Variants in NPAS3 observed in about 807,000 individuals in gnomAD.
NPAS3 encodes the protein neuronal PAS domain-containing protein 3.
NPAS3 carries 14 observed loss-of-function variants against 73.1 expected under a neutral mutation model. The observed-to-expected ratio is 0.19, with a 90% CI of 0.13 to 0.30. The LOEUF (loss-of-function observed/expected upper bound fraction) is 0.30, where lower values mean the gene tolerates loss of function less well. Among genes scored for constraint, NPAS3 ranks in the 10% least tolerant of loss-of-function variants. The pLI is 1.00. For synonymous variants in NPAS3, 620 were observed against 541.5 expected (o/e 1.14, Z -2.01); for missense variants, 1,096 against 1,250.0 (o/e 0.88, Z 1.86).
chr14:33,602,504 C>T (rs1371747359), intron 5 of NPAS3, among the ~76,000 whole-genome samples: 4 of 152,326 alleles, frequency 2.6e-5, no homozygotes, highest in African/African-American at 7.2e-5. Flanking sequence ...TACTCAGTCC[C>T]TCATGGTGGG....
intron 7 of NPAS3, among the ~76,000 whole-genome samples, chr14:33,772,455 C>T (rs1345902074): frequency 1.3e-5 from 2 of 152,170 alleles, no homozygotes; most frequent in African/African-American, 4.8e-5. Flanking sequence ...AGCCTGTCTG[C>T]CTTCCCCAAA....
chr14:33,086,113 T>C (rs8010723), intron 2 of NPAS3, among the ~76,000 whole-genome samples: 16,812 of 152,244 alleles, frequency 0.11, 1,606 homozygotes, highest in African/African-American at 0.26. Flanking sequence ...GGACATGTCA[T>C]TATATGTTAA....
At chr14:33,250,110 A>G (rs1824637914) in intron 3 of NPAS3, among the ~76,000 whole-genome samples, 1 of 152,156 alleles carries the variant, frequency 6.6e-6, no homozygotes, top group African/African-American at 2.4e-5. Flanking sequence ...ACATCGGGGT[A>G]GGTAGATAAT....
intron 1 of NPAS3, among the ~76,000 whole-genome samples, chr14:32,994,230 T>C (rs369761531): frequency 1.2e-4 from 19 of 152,324 alleles, no homozygotes; most frequent in African/African-American, 4.1e-4. Flanking sequence ...GTGTGCTTAA[T>C]GTACACTATT....
chr14:33,217,171 C>T lies in NPAS3; in HGVS notation c.385+1745C>T, dbSNP rs143423301. On this transcript the variant is annotated intron_variant, in intron 3 of 11. Transcript: ENST00000356141. ...TTGCCACTTTTAAACCATCAGATCT[C>T]GTGAGAACTCACTATCACGAGATAG... Among the ~76,000 whole-genome samples, 51 of 152,090 alleles carry T rather than the reference C, an allele frequency of 3.4e-4. 1 individual carries two copies. The East Asian group carries it at 3.5e-3, about 10-fold the overall frequency.
chr14:33,295,115 C>A (rs74835168), intron 3 of NPAS3, among the ~76,000 whole-genome samples: 18 of 152,052 alleles, frequency 1.2e-4, no homozygotes, highest in Non-Finnish European at 2.4e-4. Context: ...GATCCCAAAA[C>A]GTAGCTATGC....
chr14:33,081,176 T>G (rs2041852773), intron 2 of NPAS3, among the ~76,000 whole-genome samples: 2 of 152,170 alleles, frequency 1.3e-5, no homozygotes, highest in Admixed American at 1.3e-4. Flanking sequence ...CAGGGTGGTA[T>G]GGCCGTAGAC....
At chr14:33,209,010 A>T (rs188944759) in intron 2 of NPAS3, among the ~76,000 whole-genome samples, 24 of 152,222 alleles carry the variant, frequency 1.6e-4, no homozygotes, top group Non-Finnish European at 2.5e-4. Flanking sequence ...TAAATTAATG[A>T]TGACAGCTAT....
intron 4 of NPAS3, among the ~76,000 whole-genome samples, chr14:33,449,365 A>C (rs1484459031): frequency 6.6e-6 from 1 of 152,168 alleles, no homozygotes; most frequent in Non-Finnish European, 1.5e-5. Flanking sequence ...TTTTTTTGGC[A>C]TACAGCCACA....
At chr14:33,463,085 G>A (rs898869539) in intron 4 of NPAS3, among the ~76,000 whole-genome samples, 2 of 152,198 alleles carry the variant, frequency 1.3e-5, no homozygotes, top group Non-Finnish European at 2.9e-5. Context: ...TATGGCAATA[G>A]GTAATGGCTT....
intron 6 of NPAS3, 125 bp downstream of exon 6, chr14:33,676,510 C>G (rs892087308): frequency 4.6e-6 from 3 of 646,520 alleles, no homozygotes; most frequent in East Asian, 3.3e-5. Flanking sequence ...CATGCAGCTT[C>G]CAGTCCCATG....
intron 2 of NPAS3, among the ~76,000 whole-genome samples, chr14:33,198,208 G>A (rs1305771504): frequency 6.6e-6 from 1 of 152,170 alleles, no homozygotes; most frequent in Non-Finnish European, 1.5e-5. Flanking sequence ...AAGAGTTATT[G>A]CAAAGAGCAA....
chr14:33,378,200 A>G (rs751615436), intron 4 of NPAS3, among the ~76,000 whole-genome samples: 12 of 152,210 alleles, frequency 7.9e-5, no homozygotes, highest in Non-Finnish European at 1.8e-4. Flanking sequence ...CCTAGTTTAG[A>G]TGAGACACTG....
intron 4 of NPAS3, among the ~76,000 whole-genome samples, chr14:33,378,668 G>A (rs920151827): frequency 1.3e-5 from 2 of 152,084 alleles, no homozygotes; most frequent in African/African-American, 4.8e-5. Context: ...AATAAATTTG[G>A]TGTTTATGTG....
chr14:33,312,112 G>T (rs1344256071), intron 3 of NPAS3, among the ~76,000 whole-genome samples: 1 of 152,056 alleles, frequency 6.6e-6, no homozygotes, highest in African/African-American at 2.4e-5. Flanking sequence ...TATAACGTGG[G>T]TGTCATTAGG....
chr14:33,556,153 T>A (rs57241226), intron 4 of NPAS3, among the ~76,000 whole-genome samples: 49,716 of 152,104 alleles, frequency 0.33, 9,973 homozygotes, highest in East Asian at 0.57. Flanking sequence ...CCAGATATTC[T>A]TTTACCCTGC....
chr14:33,350,018 G>A (rs1373846934), intron 3 of NPAS3, among the ~76,000 whole-genome samples: 1 of 152,198 alleles, frequency 6.6e-6, no homozygotes, highest in African/African-American at 2.4e-5. Context: ...TGGTCCTTGG[G>A]TGTTAAGCAG....
chr14:33,149,420 C>T (rs1014310583), intron 2 of NPAS3, among the ~76,000 whole-genome samples: 6 of 152,198 alleles, frequency 3.9e-5, no homozygotes, highest in South Asian at 2.1e-4. Context: ...CACACCTTCT[C>T]ATGACTATCT....
chr14:33,376,029 T>C (rs772787373), intron 4 of NPAS3, among the ~76,000 whole-genome samples: 2 of 152,170 alleles, frequency 1.3e-5, no homozygotes, highest in Non-Finnish European at 2.9e-5. Context: ...AATCTTATTG[T>C]GGTTTGCCAA....
Sources: gnomAD v4.1 joint callset for allele counts (sites outside exome capture counted in the v4.1 genomes callset) on GRCh38, gnomAD v4.1.1 for gene constraint, MANE v1.5 for transcripts, NCBI Gene and HGNC (gene_info 2026-07-23, HGNC 2026-07-21) for gene names.